Variants in GRIP1 observed in about 807,000 individuals in gnomAD.
GRIP1 encodes glutamate receptor interacting protein 1.
A neutral mutation model predicts 129.9 loss-of-function variants in GRIP1; 45 were observed. The observed-to-expected ratio is 0.35, with a 90% CI of 0.27 to 0.44. The LOEUF (loss-of-function observed/expected upper bound fraction) is 0.44. Ranked by LOEUF, GRIP1 falls within the 20% of genes least tolerant of loss-of-function variation. The probability of loss-of-function intolerance (pLI) is 1.00; values close to 1 mark genes in which losing one functional copy is unlikely to be tolerated. For synonymous variants in GRIP1, 530 were observed against 520.8 expected (o/e 1.02, Z -0.24); for missense variants, 1,196 against 1,396.8 (o/e 0.86, Z 2.29).
chr12:66,976,009 C>T (rs992358086), intron 1 of GRIP1, among the ~76,000 whole-genome samples: 6 of 152,144 alleles, frequency 3.9e-5, no homozygotes, highest in Non-Finnish European at 8.8e-5. Context: ...TAATGTCATA[C>T]CTAAATTTGT....
chr12:66,517,195 C>G (rs1332462456), intron 6 of GRIP1, among the ~76,000 whole-genome samples: 1 of 152,122 alleles, frequency 6.6e-6, no homozygotes, highest in Non-Finnish European at 1.5e-5. Flanking sequence ...GTTCCCCCAT[C>G]ATTATAGAGT....
At chr12:66,690,997 A>C (rs546052050) in intron 1 of GRIP1, among the ~76,000 whole-genome samples, 6 of 152,106 alleles carry the variant, frequency 3.9e-5, no homozygotes, top group Non-Finnish European at 5.9e-5. Flanking sequence ...ACTAATTTAC[A>C]TTTCCAACAA....
At position 66,634,515 on chromosome 12, in the gene GRIP1, T is replaced by TA. The variant is rs1264871358; in HGVS notation, c.56-37589dup. 4.6e-5 allele frequency among the ~76,000 whole-genome samples: 7 copies of TA among 152,138 alleles called. No homozygotes were observed. In the East Asian group the frequency reaches 1.2e-3, roughly 25 times the overall value. ...CTAAAGTTGGTTTTATTGGAAATGA[T>TA]AAAAAATTACTCTTCCTGAGACACA... On this transcript the variant is annotated intron_variant, in intron 1 of 24. Coordinates refer to ENST00000359742, the MANE Select transcript of GRIP1 (RefSeq NM_001366722.1).
intron 2 of GRIP1, among the ~76,000 whole-genome samples, chr12:66,555,465 C>T (rs1013786776): frequency 6.6e-6 from 1 of 152,178 alleles, no homozygotes; most frequent in South Asian, 2.1e-4. Context: ...CAAGCCCAGA[C>T]TGCGACGACT....
At chr12:67,045,614 T>C (rs931307029) in intron 1 of GRIP1, among the ~76,000 whole-genome samples, 3 of 152,210 alleles carry the variant, frequency 2.0e-5, no homozygotes, top group Non-Finnish European at 2.9e-5. Context: ...AGTAAGCCAG[T>C]GTGAGACTTA....
At chr12:66,768,874 C>T (rs1477491587) in intron 1 of GRIP1, among the ~76,000 whole-genome samples, 2 of 152,166 alleles carry the variant, frequency 1.3e-5, no homozygotes, top group Non-Finnish European at 2.9e-5. Context: ...TGTACTCAGC[C>T]CACACTCCAG....
chr12:66,833,209 G>A (rs2137023883), intron 1 of GRIP1, among the ~76,000 whole-genome samples: 1 of 152,334 alleles, frequency 6.6e-6, no homozygotes, highest in South Asian at 2.1e-4. Flanking sequence ...CTAGTTTACA[G>A]GGGCCCCCGG....
intron 1 of GRIP1, among the ~76,000 whole-genome samples, chr12:66,625,219 T>C (rs927825105): frequency 9.9e-5 from 15 of 152,148 alleles, no homozygotes; most frequent in African/African-American, 3.1e-4. Context: ...AATAGCTTCA[T>C]TTTGTTCTTA....
At chr12:66,685,366 T>A (rs1412795160) in intron 1 of GRIP1, among the ~76,000 whole-genome samples, 2 of 152,154 alleles carry the variant, frequency 1.3e-5, no homozygotes, top group East Asian at 3.9e-4. Flanking sequence ...TTAATATAAA[T>A]AATCTCATGG....
At chr12:66,451,611 T>C (rs1260266884) in intron 11 of GRIP1, among the ~76,000 whole-genome samples, 1 of 151,896 alleles carries the variant, frequency 6.6e-6, no homozygotes, top group African/African-American at 2.4e-5. Context: ...GGTTTCACCA[T>C]GTTGCCCAAA....
chr12:66,671,493 C>T (rs112394157), intron 1 of GRIP1, among the ~76,000 whole-genome samples: 4,489 of 152,188 alleles, frequency 0.029, 89 homozygotes, highest in Middle Eastern at 0.075. Context: ...CCCATGACCC[C>T]GCCCTCCACC....
intron 1 of GRIP1, among the ~76,000 whole-genome samples, chr12:66,650,680 G>C (rs1023630553): frequency 2.4e-4 from 36 of 152,260 alleles, no homozygotes; most frequent in Admixed American, 2.3e-3. Context: ...CACGAATGAG[G>C]AATAGAAGAA....
At chr12:66,688,172 T>C (rs920416325) in intron 1 of GRIP1, among the ~76,000 whole-genome samples, 16 of 152,192 alleles carry the variant, frequency 1.1e-4, no homozygotes, top group Admixed American at 3.3e-4. Flanking sequence ...ATTTTGCTAA[T>C]TTAGTTGGAG....
rs769817093 is a variant in GRIP1 at position 66,377,044 on chromosome 12, A to G, written c.2751T>C (p.Arg917=). Residue 917 remains arginine, a synonymous_variant, in exon 22 of 25, where the codon CGT becomes CGC. Transcript: ENST00000359742. ...AGAGAGTCATGTTTCTCAAAGACAC[A>G]CGCCTGTCAGCTTTCTCCTGTGGAA... ...LRELEEKADR[R]VSLRNMTLLA... is the part of the protein sequence containing the mutation. The G allele has an allele frequency of 8.7e-6, 14 of 1,612,750 alleles. No individual in the cohort carries two copies. The highest frequency in any genetic ancestry group is 1.6e-4 in the Middle Eastern group (1 of 6,084).
intron 1 of GRIP1, among the ~76,000 whole-genome samples, chr12:66,946,771 G>C: frequency 9.0e-6 from 1 of 111,024 alleles, no homozygotes; most frequent in East Asian, 3.7e-4. Flanking sequence ...GGGGTCGGGG[G>C]GTGGGGTGGG....
chr12:66,437,268 G>T (rs929153101), intron 13 of GRIP1, among the ~76,000 whole-genome samples: 1 of 152,206 alleles, frequency 6.6e-6, no homozygotes, highest in Non-Finnish European at 1.5e-5. Flanking sequence ...TGACTGGCTA[G>T]AAAGGATTTT....
intron 1 of GRIP1, among the ~76,000 whole-genome samples, chr12:66,647,935 C>T (rs2032498245): frequency 6.6e-6 from 1 of 152,160 alleles, no homozygotes; most frequent in Admixed American, 6.5e-5. Context: ...TTAAATTCTG[C>T]TTAATAATCT....
In GRIP1 at chr12:66,424,171, C is replaced by T. The variant is rs180921930; in HGVS notation, c.1769-3382G>A. ...ACAGCTCTTCTGCAATCCAGCAAGG[C>T]GATGTCATTGGAAATTTTATCCCGG... On this transcript the variant is annotated intron_variant, in intron 14 of 24. Transcript: ENST00000359742. Among the ~76,000 whole-genome samples the T allele has an allele frequency of 2.0e-3, 305 of 152,222 alleles. 4 individuals are homozygous for T. The highest frequency in any genetic ancestry group is 6.6e-3 in the African/African-American group (275 of 41,546).
At chr12:66,704,494 A>C (rs1320364116) in intron 1 of GRIP1, among the ~76,000 whole-genome samples, 2 of 152,086 alleles carry the variant, frequency 1.3e-5, no homozygotes, top group Non-Finnish European at 1.5e-5. Context: ...GGGGTAAAGA[A>C]TCAACACAAA....
Sources: allele counts gnomAD v4.1 joint callset (sites outside exome capture counted in the v4.1 genomes callset), GRCh38; gene constraint gnomAD v4.1.1; transcripts MANE v1.5; gene names NCBI Gene and HGNC (gene_info 2026-07-23, HGNC 2026-07-21).